Variants in NBAS observed in about 807,000 individuals in gnomAD.
The protein encoded by NBAS is NAG/BC035112 fusion.
In NBAS, 219 loss-of-function variants were observed where a neutral mutation model predicts 302.5. That is an observed-to-expected ratio of 0.72 (90% CI 0.65 to 0.81). The LOEUF (loss-of-function observed/expected upper bound fraction) is 0.81, where lower values mean the gene tolerates loss of function less well. NBAS is among the 30% of genes least tolerant of loss of function. NBAS has a pLI of 0.00. For missense variants in NBAS, 2,932 were observed against 2,841.6 expected (o/e 1.03, Z -0.72); for synonymous variants, 1,118 against 1,021.6 (o/e 1.09, Z -1.80).
chr2:15,486,249 C>T (rs377656894), intron 12 of NBAS, among the ~76,000 whole-genome samples: 3 of 152,042 alleles, frequency 2.0e-5, no homozygotes, highest in African/African-American at 7.2e-5. Flanking sequence ...TTTTGTGAGC[C>T]CCAAAATCTA....
intron 11 of NBAS, among the ~76,000 whole-genome samples, chr2:15,491,776 T>G (rs1160178500): frequency 6.6e-6 from 1 of 152,024 alleles, no homozygotes; most frequent in East Asian, 1.9e-4. Context: ...ATACACAGGT[T>G]TACCCATTTC....
intron 44 of NBAS, among the ~76,000 whole-genome samples, chr2:15,245,084 G>A (rs1668030579): frequency 6.6e-6 from 1 of 152,090 alleles, no homozygotes. Flanking sequence ...TGTTACTCCA[G>A]CACTACCCAG....
chr2:15,102,541 T>C, the NBAS span, among the ~76,000 whole-genome samples: 1 of 152,196 alleles, frequency 6.6e-6, no homozygotes, highest in African/African-American at 2.4e-5. Flanking sequence ...CCCTACCCAA[T>C]AATGAGCTCC....
chr2:15,332,775 G>A (rs1197360824), intron 35 of NBAS, among the ~76,000 whole-genome samples: 1 of 152,118 alleles, frequency 6.6e-6, no homozygotes, highest in Non-Finnish European at 1.5e-5. Flanking sequence ...CCTCCTCCTG[G>A]GTTCCAGATT....
chr2:14,866,691 G>T, the NBAS span, among the ~76,000 whole-genome samples: 2 of 152,236 alleles, frequency 1.3e-5, no homozygotes, highest in East Asian at 3.9e-4. Flanking sequence ...GTCAAATGAG[G>T]TTATGTGGCT....
Position 15,402,307 on chromosome 2 carries a change from G to GA in NBAS, c.2938-7dup. On this transcript the variant is annotated splice_polypyrimidine_tract_variant and splice_region_variant and intron_variant, in intron 25 of 51. Coordinates refer to ENST00000281513, the MANE Select transcript of NBAS (RefSeq NM_015909.4). Reference sequence around the variant, plus strand: ...GGAATAATTTTTTGCTGCAGCTACAGAAAATAAAGTATGTTGTACTAAATG... The same window carrying GA: ...GGAATAATTTTTTGCTGCAGCTACAGAAAAATAAAGTATGTTGTACTAAATG... 6.2e-7 allele frequency: 1 copy of GA among 1,613,194 alleles called. No individual in the cohort carries two copies. The highest frequency in any genetic ancestry group is 8.5e-7 in the Non-Finnish European group (1 of 1,179,460).
intron 23 of NBAS, among the ~76,000 whole-genome samples, chr2:15,422,582 A>T (rs868097949): frequency 4.6e-5 from 7 of 152,042 alleles, no homozygotes; most frequent in Middle Eastern, 3.4e-3. Flanking sequence ...TTTGCATTCC[A>T]TTGTGGCATT....
At chr2:15,108,625 A>C in the NBAS span, among the ~76,000 whole-genome samples, 5 of 152,150 alleles carry the variant, frequency 3.3e-5, no homozygotes, top group African/African-American at 7.2e-5. Context: ...GGGCTTACCT[A>C]GGCCACATAA....
chr2:15,358,794 A>C (rs1034384203), intron 32 of NBAS, among the ~76,000 whole-genome samples: 15 of 152,164 alleles, frequency 9.9e-5, no homozygotes, highest in African/African-American at 3.6e-4. Context: ...GATCTGCAAA[A>C]GCCACAAAAT....
the NBAS span, among the ~76,000 whole-genome samples, chr2:15,018,774 C>T: frequency 6.6e-6 from 1 of 152,024 alleles, no homozygotes; most frequent in Non-Finnish European, 1.5e-5. Flanking sequence ...AATTTCTACA[C>T]ACATCTAAAT....
chr2:15,547,408 A>G (rs1383263027), intron 6 of NBAS, among the ~76,000 whole-genome samples: 2 of 152,256 alleles, frequency 1.3e-5, no homozygotes. Flanking sequence ...CCATTAATGC[A>G]GTATTAAGGT....
intron 47 of NBAS, among the ~76,000 whole-genome samples, chr2:15,231,063 G>T (rs1181184225): frequency 2.0e-5 from 3 of 152,168 alleles, no homozygotes; most frequent in African/African-American, 7.2e-5. Context: ...ATGGCTACAG[G>T]CCAGATCGTC....
intron 9 of NBAS, among the ~76,000 whole-genome samples, chr2:15,524,144 C>T (rs991170294): frequency 6.6e-6 from 1 of 152,196 alleles, no homozygotes; most frequent in African/African-American, 2.4e-5. Context: ...ATAACCACTA[C>T]TCTCTGTGAC....
chr2:14,865,455 T>C, the NBAS span, among the ~76,000 whole-genome samples: 1 of 152,104 alleles, frequency 6.6e-6, no homozygotes, highest in Non-Finnish European at 1.5e-5. Flanking sequence ...AAAATCCAAC[T>C]TCACTGTCTT....
chr2:15,337,847 G>A (rs545578346), intron 35 of NBAS, among the ~76,000 whole-genome samples: 1 of 152,226 alleles, frequency 6.6e-6, no homozygotes, highest in East Asian at 1.9e-4. Context: ...GAAAAAAGAG[G>A]TTAGGCAAAA....
the NBAS span, among the ~76,000 whole-genome samples, chr2:14,944,780 C>A: frequency 6.6e-6 from 1 of 152,002 alleles, no homozygotes; most frequent in Non-Finnish European, 1.5e-5. Flanking sequence ...ATCAGGCTTC[C>A]ACATTCACAA....
chr2:15,260,313 C>G lies in NBAS; in HGVS notation c.5724+15171G>C, dbSNP rs1316903807. On this transcript the variant is annotated intron_variant, in intron 44 of 51. Coordinates refer to ENST00000281513, the MANE Select transcript of NBAS (RefSeq NM_015909.4). ...TTTCAGACCACCTGTATTGAAATTA[C>G]CTAAGTGCAACCTCAAAAAAGCAAA... Among the ~76,000 whole-genome samples the G allele has an allele frequency of 2.6e-5, 4 of 152,270 alleles. No homozygotes were observed. In the East Asian group the frequency reaches 7.7e-4, roughly 29 times the overall value.
chr2:15,227,275 T>A (rs983502328), intron 47 of NBAS, among the ~76,000 whole-genome samples: 1 of 151,536 alleles, frequency 6.6e-6, no homozygotes, highest in Non-Finnish European at 1.5e-5. Context: ...GTGAAAAAAA[T>A]ACCTAATAAT....
Position 15,422,292 on chromosome 2 carries a change from T to C in NBAS, c.2577+2023A>G, listed in dbSNP as rs546520072. The stretch of plus-strand genomic sequence containing the variant: ...ATTTCAGGTTCCTCCATGTCTTCCA[T>C]GGTTTGATAGTTCATTTCTTTTTAG... On this transcript the variant is annotated intron_variant, in intron 23 of 51. Transcript: ENST00000281513. 1.1e-4 allele frequency among the ~76,000 whole-genome samples: 17 copies of C among 152,330 alleles called. No individual in the cohort carries two copies. In the South Asian group the frequency reaches 2.9e-3, roughly 26 times the overall value.
Sources: gnomAD v4.1 joint callset for allele counts (sites outside exome capture counted in the v4.1 genomes callset) on GRCh38, gnomAD v4.1.1 for gene constraint, MANE v1.5 for transcripts, NCBI Gene and HGNC (gene_info 2026-07-23, HGNC 2026-07-21) for gene names.